CD200R1: variants seen among roughly 807,000 people sequenced by gnomAD.
The protein encoded by CD200R1 is CD200 receptor 1.
In CD200R1, 30 loss-of-function variants were observed where a neutral mutation model predicts 38.1. The observed-to-expected ratio is 0.79, with a 90% CI of 0.59 to 1.07. CD200R1 has a LOEUF of 1.07. CD200R1 is among the 50% of genes least tolerant of loss of function. The pLI, the probability that CD200R1 is intolerant of heterozygous loss-of-function variation, is 0.00. For missense variants in CD200R1, 372 were observed against 415.4 expected (o/e 0.90, Z 0.91); for synonymous variants, 128 against 152.1 (o/e 0.84, Z 1.16).
intron 2 of CD200R1, among the ~76,000 whole-genome samples, chr3:112,941,694 A>C (rs1940732811): frequency 6.6e-6 from 1 of 151,658 alleles, no homozygotes; most frequent in Non-Finnish European, 1.5e-5. Flanking sequence ...TTTTCTCCAA[A>C]TTAATTTCAG....
At chr3:112,937,189 A>T (rs1395423328) in intron 2 of CD200R1, among the ~76,000 whole-genome samples, 1 of 152,126 alleles carries the variant, frequency 6.6e-6, no homozygotes, top group Non-Finnish European at 1.5e-5. Flanking sequence ...GTGCCAAGCA[A>T]AAGGAGGAAA....
intron 5 of CD200R1, among the ~76,000 whole-genome samples, chr3:112,927,582 G>A (rs752815567): frequency 6.6e-6 from 1 of 152,092 alleles, no homozygotes; most frequent in Non-Finnish European, 1.5e-5. Flanking sequence ...ACAAACAAAT[G>A]TATAGAAGAC....
chr3:112,925,072 C>CA lies in CD200R1; in HGVS notation c.878+12dup, dbSNP rs1310689166. ...TAAAGCTGAAGAAGAAAAAAACATT[C>CA]ATTAGTCAATACCTGCAGCCATTGA... On this transcript the variant is annotated intron_variant, in intron 6 of 7. Transcript: ENST00000308611. The CA allele has an allele frequency of 6.9e-7, 1 of 1,450,082 alleles. No individual in the cohort carries two copies. The highest frequency in any genetic ancestry group is 1.7e-5 in the Admixed American group (1 of 58,980). 89.8% of individuals were successfully genotyped at this position (1,450,082 alleles called of 1,614,324 possible).
At chr3:112,949,865 A>C (rs1029933001) in intron 1 of CD200R1, among the ~76,000 whole-genome samples, 4 of 152,208 alleles carry the variant, frequency 2.6e-5, no homozygotes, top group African/African-American at 9.6e-5. Context: ...GGAAGAGACA[A>C]TTGTCAGAAT....
intron 2 of CD200R1, among the ~76,000 whole-genome samples, chr3:112,946,652 G>A (rs746513811): frequency 5.3e-5 from 8 of 152,192 alleles, no homozygotes; most frequent in Non-Finnish European, 1.2e-4. Flanking sequence ...CACCAAAGGC[G>A]AGGAGTGGAG....
At chr3:112,929,610 G>T in intron 3 of CD200R1, 103 bp from the exon 4 acceptor site, 1 of 1,066,970 alleles carries the variant, frequency 9.4e-7, no homozygotes, top group Non-Finnish European at 1.3e-6. Context: ...AACTTTGTTG[G>T]TGATCTTATT....
chr3:112,958,449 G>T (rs762191421), intron 1 of CD200R1, among the ~76,000 whole-genome samples: 7 of 152,164 alleles, frequency 4.6e-5, no homozygotes, highest in Non-Finnish European at 7.4e-5. Flanking sequence ...ACAAAGAACA[G>T]ATCAGTGATT....
rs1317096832 is a variant in CD200R1 at position 112,923,344 on chromosome 3, C to T, written c.*333G>A. ...TACATTAAAATATTCTGAAAGGATA[C>T]ACAAGAAACTGTTCACACTTGCTCC... On this transcript the variant is annotated 3_prime_UTR_variant, in exon 8 of 8. Transcript: ENST00000308611. The T allele has an allele frequency of 5.5e-6, 1 of 182,638 alleles. No homozygotes were observed. The highest frequency in any genetic ancestry group is 5.9e-5 in the Admixed American group (1 of 16,818). 11.3% of individuals were successfully genotyped at this position (182,638 alleles called of 1,614,324 possible). A position where few individuals can be genotyped will look rare whatever the true frequency, so the allele number is the denominator to read the frequency against.
intron 2 of CD200R1, among the ~76,000 whole-genome samples, chr3:112,947,529 T>C (rs1416089200): frequency 6.6e-6 from 1 of 152,116 alleles, no homozygotes; most frequent in Non-Finnish European, 1.5e-5. Flanking sequence ...GAAAATAGGG[T>C]TGAGAGAGGA....
At chr3:112,938,233 T>C (rs924938309) in intron 2 of CD200R1, among the ~76,000 whole-genome samples, 3 of 152,130 alleles carry the variant, frequency 2.0e-5, no homozygotes, top group African/African-American at 7.2e-5. Context: ...CCATGTTAAA[T>C]AGAAGTGGTG....
At chr3:112,939,407 A>C (rs942224403) in intron 2 of CD200R1, among the ~76,000 whole-genome samples, 5 of 152,094 alleles carry the variant, frequency 3.3e-5, no homozygotes, top group African/African-American at 1.2e-4. Flanking sequence ...AACTGTTAAC[A>C]CTGATAAACA....
chr3:112,926,023 C>CA (rs1559943401), intron 5 of CD200R1, among the ~76,000 whole-genome samples: 1 of 152,086 alleles, frequency 6.6e-6, no homozygotes, highest in Admixed American at 6.6e-5. Flanking sequence ...TCTGTTATAG[C>CA]AGAGTGTTTC....
chr3:112,959,589 G>A (rs1406547184), intron 1 of CD200R1, among the ~76,000 whole-genome samples: 1 of 152,008 alleles, frequency 6.6e-6, no homozygotes, highest in African/African-American at 2.4e-5. Context: ...TCAAAAAATA[G>A]AACATAAAAT....
At chr3:112,931,197 AT>A (rs1227239535) in intron 2 of CD200R1, 26 bp from the exon 3 acceptor site, 1 of 1,463,292 alleles carries the variant, frequency 6.8e-7, no homozygotes, top group African/African-American at 1.4e-5. Context: ...AGAAGAATAA[AT>A]GAAATCAATT....
intron 1 of CD200R1, among the ~76,000 whole-genome samples, chr3:112,969,721 G>A (rs1185484050): frequency 2.0e-5 from 3 of 152,206 alleles, no homozygotes; most frequent in Admixed American, 2.0e-4. Context: ...GGGTCAGTGA[G>A]GGTGTCAGTT....
chr3:112,940,093 C>T lies in CD200R1; in HGVS notation c.136+7763G>A, dbSNP rs148491042. On this transcript the variant is annotated intron_variant, in intron 2 of 7. Transcript: ENST00000308611. ...AAAGGACACCTTCTTTAATAAATGG[C>T]GCTGGGTAAACTGAATATTCATATG... Among the ~76,000 whole-genome samples, 85 of 151,682 alleles carry T rather than the reference C, an allele frequency of 5.6e-4. 2 individuals are homozygous for T. Among genetic ancestry groups the T allele is most frequent in the South Asian group, 8.3e-4 (4 of 4,812 alleles).
At chr3:112,943,334 A>G (rs1375085655) in intron 2 of CD200R1, among the ~76,000 whole-genome samples, 2 of 151,860 alleles carry the variant, frequency 1.3e-5, no homozygotes, top group East Asian at 3.8e-4. Context: ...GGTAGTGGAA[A>G]GTTCCAAAAT....
rs1285596137 is a variant in CD200R1, at chr3:112,923,289, TATACC to T, written c.*383_*387del. ...GTAAGGGGACACATAAATTGACACA[TATACC>T]ATAGGCATATACACATGTCATATGT... On this transcript the variant is annotated 3_prime_UTR_variant, in exon 8 of 8. Transcript: ENST00000308611. 1 of 157,872 alleles carries T rather than the reference TATACC, an allele frequency of 6.3e-6. No individual in the cohort carries two copies. The allele number at this position is 157,872 out of a possible 1,614,324, so 9.8% of individuals were successfully genotyped here.
intron 1 of CD200R1, among the ~76,000 whole-genome samples, chr3:112,958,080 AT>A: frequency 1.3e-5 from 2 of 152,134 alleles, no homozygotes; most frequent in Middle Eastern, 6.8e-3. Flanking sequence ...TTTCTGGCAG[AT>A]TTTTTTTCAA....
Sources: gnomAD v4.1 joint callset for allele counts (sites outside exome capture counted in the v4.1 genomes callset) on GRCh38, gnomAD v4.1.1 for gene constraint, MANE v1.5 for transcripts, NCBI Gene and HGNC (gene_info 2026-07-23, HGNC 2026-07-21) for gene names.